Variants in ATP2B4 observed in about 807,000 individuals in gnomAD.
The protein encoded by ATP2B4 is ATPase plasma membrane Ca2+ transporting 4.
Under a neutral mutation model 110.3 loss-of-function variants are expected in ATP2B4, and 39 were observed. That is an observed-to-expected ratio of 0.35 (90% confidence interval 0.27 to 0.46). The LOEUF (loss-of-function observed/expected upper bound fraction) is 0.46. Among genes scored for constraint, ATP2B4 ranks in the 20% least tolerant of loss-of-function variants. The pLI is 1.00. For synonymous variants in ATP2B4, 538 were observed against 571.7 expected, an observed-to-expected ratio of 0.94 and a Z score of 0.84; for missense variants, 1,135 against 1,530.9, an observed-to-expected ratio of 0.74 and a Z score of 4.32.
intron 6 of ATP2B4, among the ~76,000 whole-genome samples, chr1:203,701,718 C>T (rs1665697781): frequency 6.6e-6 from 1 of 152,218 alleles, no homozygotes; most frequent in Non-Finnish European, 1.5e-5. Context: ...TGCCATCAGG[C>T]AGAAACGGTT....
intron 1 of ATP2B4, chr1:203,657,719 A>G: frequency 1.3e-6 from 1 of 747,284 alleles, no homozygotes; most frequent in South Asian, 1.4e-5. Context: ...AACGGTATCC[A>G]TAGTGTTTAT....
chr1:203,675,780 C>T (rs1485521530), intron 1 of ATP2B4, among the ~76,000 whole-genome samples: 1 of 152,074 alleles, frequency 6.6e-6, no homozygotes, highest in African/African-American at 2.4e-5. Flanking sequence ...AAAGAGAGAA[C>T]TGAGCCTGCG....
intron 20 of ATP2B4, chr1:203,733,248 C>T (rs202010403): frequency 5.2e-5 from 84 of 1,612,932 alleles, no homozygotes; most frequent in African/African-American, 1.7e-4. Context: ...ACATTCCAGA[C>T]GGGAGCCTCT....
At chr1:203,654,379 G>A (rs914567160) in intron 1 of ATP2B4, among the ~76,000 whole-genome samples, 5 of 152,174 alleles carry the variant, frequency 3.3e-5, no homozygotes, top group Non-Finnish European at 7.3e-5. Context: ...GATCTCTGAT[G>A]GAGACATACA....
chr1:203,650,725 C>G (rs1346206962), intron 1 of ATP2B4, among the ~76,000 whole-genome samples: 1 of 152,222 alleles, frequency 6.6e-6, no homozygotes, highest in Admixed American at 6.5e-5. Context: ...CGAGGCTCAG[C>G]ATGCCGGCTG....
intron 1 of ATP2B4, among the ~76,000 whole-genome samples, chr1:203,650,602 G>C (rs914183147): frequency 5.3e-5 from 8 of 152,330 alleles, no homozygotes; most frequent in African/African-American, 9.6e-5. Context: ...GTTGCACCGC[G>C]CAGAGGCCGG....
At chr1:203,661,820 T>G (rs1002445897) in intron 1 of ATP2B4, among the ~76,000 whole-genome samples, 1 of 151,932 alleles carries the variant, frequency 6.6e-6, no homozygotes, top group Admixed American at 6.6e-5. Context: ...TGTGCCCCAC[T>G]GGCCTCCACC....
At chr1:203,700,104 T>G (rs947675326) in intron 4 of ATP2B4, 102 bp from the exon 5 acceptor site, 28 of 1,399,354 alleles carry the variant, frequency 2.0e-5, no homozygotes, top group Non-Finnish European at 1.9e-6. Context: ...ATAGGGCCCA[T>G]GGGAACAGCC....
intron 20 of ATP2B4, among the ~76,000 whole-genome samples, chr1:203,730,895 G>A (rs1324052775): frequency 1.3e-5 from 2 of 152,210 alleles, no homozygotes; most frequent in African/African-American, 2.4e-5. Flanking sequence ...TGATGCTAAC[G>A]TGTATCCTGG....
At position 203,733,446 on chromosome 1, in the gene ATP2B4, A is replaced by T. The variant is rs1344093151; in HGVS notation, c.3309+5875A>T. On this transcript the variant is annotated intron_variant, in intron 20 of 20. Transcript: ENST00000357681. ...ATGCATGATTTGCTAAAATGACCAC[A>T]AGAGAGCACGTGGCATCCACTTTAA... The T allele has an allele frequency of 4.0e-6, 6 of 1,516,172 alleles. No individual in the cohort carries two copies. The African/African-American group carries it at 5.5e-5, about 14-fold the overall frequency. The allele number at this position is 1,516,172 out of a possible 1,614,324, so 93.9% of individuals were successfully genotyped here. A position where few individuals can be genotyped will look rare whatever the true frequency, so the allele number is the denominator to read the frequency against.
chr1:203,680,761 G>A (rs1664989871), intron 1 of ATP2B4, among the ~76,000 whole-genome samples: 1 of 152,076 alleles, frequency 6.6e-6, no homozygotes, highest in African/African-American at 2.4e-5. Flanking sequence ...GAAAAGACAG[G>A]GCCCATTCTC....
At chr1:203,636,525 G>A (rs1663443982) in intron 1 of ATP2B4, among the ~76,000 whole-genome samples, 1 of 152,190 alleles carries the variant, frequency 6.6e-6, no homozygotes, top group South Asian at 2.1e-4. Flanking sequence ...GTTGGTGAGG[G>A]AGCCTGAAAG....
intron 1 of ATP2B4, among the ~76,000 whole-genome samples, chr1:203,661,210 A>T (rs1272658817): frequency 6.6e-6 from 1 of 152,220 alleles, no homozygotes; most frequent in Non-Finnish European, 1.5e-5. Flanking sequence ...CCATACTTTA[A>T]GAGGTGAATG....
At chr1:203,698,037 C>G (rs1208762921) in intron 2 of ATP2B4, 120 bp from the exon 3 acceptor site, 1 of 806,118 alleles carries the variant, frequency 1.2e-6, no homozygotes, top group Non-Finnish European at 2.0e-6. Flanking sequence ...GACAGCGTCT[C>G]TCTCTGTTGC....
intron 1 of ATP2B4, among the ~76,000 whole-genome samples, chr1:203,651,065 A>T (rs10793751): frequency 6.6e-6 from 1 of 152,094 alleles, no homozygotes; most frequent in African/African-American, 2.4e-5. Context: ...ATGAGCCACC[A>T]TGCCTGGCCT....
intron 12 of ATP2B4, 28 bp from the exon 13 acceptor site, chr1:203,711,932 G>A (rs756976926): frequency 7.5e-6 from 12 of 1,609,608 alleles, no homozygotes; most frequent in East Asian, 2.2e-5. Flanking sequence ...CCTCATCTGC[G>A]CCTTTCCCCT....
At chr1:203,723,450 CTCTCTCTCT>C in intron 18 of ATP2B4, among the ~76,000 whole-genome samples, 1 of 138,672 alleles carries the variant, frequency 7.2e-6, no homozygotes, top group African/African-American at 2.8e-5. Flanking sequence ...CTCTCTCTCT[CTCTCTCTCT>C]CCCTCTGCCT....
intron 1 of ATP2B4, among the ~76,000 whole-genome samples, chr1:203,641,294 T>C (rs958209561): frequency 6.6e-6 from 1 of 152,244 alleles, no homozygotes; most frequent in African/African-American, 2.4e-5. Context: ...CAACAGATGC[T>C]GATTCCAGCT....
chr1:203,657,530 G>T (rs1196774543), intron 1 of ATP2B4: 9 of 806,130 alleles, frequency 1.1e-5, no homozygotes, highest in South Asian at 9.7e-5. Context: ...TTTGTTTGGT[G>T]TTTCTCTTTT....
Sources: allele counts gnomAD v4.1 joint callset (sites outside exome capture counted in the v4.1 genomes callset), GRCh38; gene constraint gnomAD v4.1.1; transcripts MANE v1.5; gene names NCBI Gene and HGNC (gene_info 2026-07-23, HGNC 2026-07-21).